Variants in EYS observed in about 807,000 individuals in gnomAD.
The protein encoded by EYS is protein eyes shut homolog.
Under a neutral mutation model 282.1 loss-of-function variants are expected in EYS, and 250 were observed. The ratio of observed to expected loss-of-function variants is 0.89; its 90% CI spans 0.80 to 0.98. The LOEUF (loss-of-function observed/expected upper bound fraction) is 0.98, where lower values mean the gene tolerates loss of function less well. Among genes scored for constraint, EYS ranks in the 50% least tolerant of loss-of-function variants. The probability of loss-of-function intolerance (pLI) is 0.00; values close to 1 mark genes in which losing one functional copy is unlikely to be tolerated. For synonymous variants in EYS, 1,355 were observed against 1,282.9 expected (o/e 1.06, Z -1.20); for missense variants, 4,016 against 3,709.0 (o/e 1.08, Z -2.15).
intron 2 of EYS, among the ~76,000 whole-genome samples, chr6:65,611,065 T>C (rs1248708493): frequency 6.6e-6 from 1 of 152,044 alleles, no homozygotes; most frequent in Non-Finnish European, 1.5e-5. Context: ...ACTATTAGTT[T>C]TGGCTTGATA....
intron 5 of EYS, among the ~76,000 whole-genome samples, chr6:65,473,910 G>A (rs768160987): frequency 2.0e-5 from 3 of 151,770 alleles, no homozygotes; most frequent in Non-Finnish European, 2.9e-5. Flanking sequence ...GGATAACAAG[G>A]CCCAGTGTTT....
chr6:64,071,995 C>T (rs1771598641), intron 32 of EYS, among the ~76,000 whole-genome samples: 1 of 151,572 alleles, frequency 6.6e-6, no homozygotes, highest in Non-Finnish European at 1.5e-5. Context: ...GCCGGGGGGA[C>T]ATAAAAAATC....
chr6:63,740,191 A>T (rs770974077), intron 41 of EYS, among the ~76,000 whole-genome samples: 25 of 152,190 alleles, frequency 1.6e-4, no homozygotes, highest in Non-Finnish European at 2.9e-4. Flanking sequence ...CTCATCTTGA[A>T]TTCCACATGT....
intron 13 of EYS, among the ~76,000 whole-genome samples, chr6:65,001,265 T>C (rs1395349324): frequency 2.0e-5 from 3 of 147,306 alleles, no homozygotes; most frequent in African/African-American, 4.9e-5. Context: ...GGCTTGAAGG[T>C]TGAATGAGAG....
At chr6:64,864,945 T>A (rs548925556) in intron 19 of EYS, among the ~76,000 whole-genome samples, 1 of 151,970 alleles carries the variant, frequency 6.6e-6, no homozygotes, top group African/African-American at 2.4e-5. Flanking sequence ...CTGAGGCGAA[T>A]TGCTTGCACC....
intron 2 of EYS, among the ~76,000 whole-genome samples, chr6:65,539,572 T>A (rs923432202): frequency 1.3e-5 from 2 of 152,178 alleles, no homozygotes; most frequent in African/African-American, 4.8e-5. Context: ...ACCATGCTAA[T>A]TTAGACAGGT....
At chr6:64,429,099 T>C (rs1038651256) in intron 28 of EYS, among the ~76,000 whole-genome samples, 2 of 152,124 alleles carry the variant, frequency 1.3e-5, no homozygotes, top group African/African-American at 4.8e-5. Flanking sequence ...CCCAAAACTC[T>C]GATGTTAAAT....
intron 30 of EYS, among the ~76,000 whole-genome samples, chr6:64,266,247 T>C (rs1013120375): frequency 6.6e-6 from 1 of 152,098 alleles, no homozygotes; most frequent in Non-Finnish European, 1.5e-5. Flanking sequence ...AGTGATTGGG[T>C]GTTTTAATTA....
At chr6:64,625,641 A>G (rs1329830116) in intron 23 of EYS, among the ~76,000 whole-genome samples, 1 of 152,242 alleles carries the variant, frequency 6.6e-6, no homozygotes. Context: ...ATTGTTGATT[A>G]GGGTTCAACA....
intron 22 of EYS, among the ~76,000 whole-genome samples, chr6:64,734,500 A>G (rs1213318941): frequency 2.0e-5 from 3 of 152,224 alleles, no homozygotes; most frequent in Non-Finnish European, 4.4e-5. Context: ...AGAAATCAGA[A>G]TAAGTTAAAT....
intron 14 of EYS, among the ~76,000 whole-genome samples, chr6:64,987,486 G>C (rs1770900486): frequency 6.6e-6 from 1 of 151,508 alleles, no homozygotes; most frequent in Admixed American, 6.6e-5. Flanking sequence ...TGATTCTGGT[G>C]TATTGTAGAG....
chr6:65,063,007 G>T (rs1326488902), intron 12 of EYS, among the ~76,000 whole-genome samples: 1 of 151,950 alleles, frequency 6.6e-6, no homozygotes, highest in Non-Finnish European at 1.5e-5. Flanking sequence ...TGACAAAATA[G>T]TTCACAGCGC....
intron 35 of EYS, among the ~76,000 whole-genome samples, chr6:63,877,484 GT>G (rs1394107394): frequency 1.3e-5 from 2 of 152,088 alleles, no homozygotes; most frequent in African/African-American, 4.8e-5. Flanking sequence ...TCTTTGTGGC[GT>G]TCTCTGTATT....
chr6:64,028,454 C>T (rs558008082), intron 33 of EYS, among the ~76,000 whole-genome samples: 1 of 152,228 alleles, frequency 6.6e-6, no homozygotes, highest in Non-Finnish European at 1.5e-5. Context: ...ATCTTAGACT[C>T]ATTAATGAGG....
intron 12 of EYS, among the ~76,000 whole-genome samples, chr6:65,061,688 C>A (rs951968374): frequency 6.6e-6 from 1 of 151,618 alleles, no homozygotes; most frequent in African/African-American, 2.4e-5. Flanking sequence ...ATTAGTTTTC[C>A]TTTTAATTGT....
chr6:64,989,311 A>C (rs190925969), intron 14 of EYS, among the ~76,000 whole-genome samples: 4 of 147,064 alleles, frequency 2.7e-5, no homozygotes, highest in African/African-American at 1.0e-4. Context: ...TGTAGTCAAG[A>C]TGATGCCATA....
chr6:64,631,740 A>C (rs1011055615), intron 22 of EYS: 1 of 152,086 alleles, frequency 6.6e-6, no homozygotes, highest in Admixed American at 6.6e-5. Context: ...TTATTTGTTT[A>C]TTAACAAATG....
At chr6:65,618,268 C>T (rs10944818) in intron 2 of EYS, among the ~76,000 whole-genome samples, 48,921 of 151,096 alleles carry the variant, frequency 0.32, 7,210 homozygotes, top group Non-Finnish European at 0.45. Context: ...GATGGTATCA[C>T]ATTGTGGTTT....
chr6:65,690,534 C>T lies in EYS; in HGVS notation c.-448+16601G>A, dbSNP rs541044721. 1.2e-4 allele frequency among the ~76,000 whole-genome samples: 18 copies of T among 150,086 alleles called. 1 individual carries two copies. Among genetic ancestry groups the T allele is most frequent in the Non-Finnish European group, 2.1e-4 (14 of 67,560 alleles). On this transcript the variant is annotated intron_variant, in intron 1 of 42. Coordinates refer to ENST00000503581, the MANE Select transcript of EYS (RefSeq NM_001142800.2). The stretch of plus-strand genomic sequence containing the variant: ...CGTCCATTCATAGGCTCTCTGCAGG[C>T]GGAAGCACATCACGCGCTGTTGGCT...
Sources: allele counts gnomAD v4.1 joint callset (sites outside exome capture counted in the v4.1 genomes callset), GRCh38; gene constraint gnomAD v4.1.1; transcripts MANE v1.5; gene names NCBI Gene and HGNC (gene_info 2026-07-23, HGNC 2026-07-21).